The following UGP2 variants were observed in gnomAD, a reference collection of about 807,000 sequenced individuals.
The protein encoded by UGP2 is UTP--glucose-1-phosphate uridylyltransferase.
In UGP2, 40 loss-of-function variants were observed where a neutral mutation model predicts 49.0. The ratio of observed to expected loss-of-function variants is 0.82; its 90% CI spans 0.63 to 1.06. UGP2 has a LOEUF of 1.06. Ranked by LOEUF, UGP2 falls within the 50% of genes least tolerant of loss-of-function variation. The pLI is 0.00. For missense variants in UGP2, 460 were observed against 603.5 expected, an observed-to-expected ratio of 0.76 and a Z score of 2.49; for synonymous variants, 225 against 213.0, an observed-to-expected ratio of 1.06 and a Z score of -0.49.
At chr2:63,843,846 A>G (rs1053008575) in intron 1 of UGP2, among the ~76,000 whole-genome samples, 7 of 152,250 alleles carry the variant, frequency 4.6e-5, no homozygotes, top group African/African-American at 1.7e-4. Flanking sequence ...CTAAGATACC[A>G]GATTGCACTT....
intron 2 of UGP2, 28 bp downstream of exon 2, chr2:63,856,461 C>T: frequency 1.9e-6 from 3 of 1,583,232 alleles, no homozygotes; most frequent in East Asian, 2.3e-5. Flanking sequence ...GTGTTCCACC[C>T]CCCCGCCCCT....
chr2:63,882,727 T>A lies in UGP2; in HGVS notation c.441+76T>A, dbSNP rs1266578671. ...TTAAGTTATCATAAATGTTATAAAA[T>A]GTAGCAGATGTGAATTTGAGCTAAC... On this transcript the variant is annotated intron_variant, in intron 4 of 9. Transcript: ENST00000337130. 3.6e-6 allele frequency: 5 copies of A among 1,381,252 alleles called. No homozygotes were observed. The Admixed American group carries it at 7.3e-5, about 20-fold the overall frequency. The allele number at this position is 1,381,252 out of a possible 1,614,324, so 85.6% of individuals were successfully genotyped here.
chr2:63,867,255 A>G (rs1670246112), intron 3 of UGP2, among the ~76,000 whole-genome samples: 1 of 152,102 alleles, frequency 6.6e-6, no homozygotes, highest in African/African-American at 2.4e-5. Context: ...TGTATTTAAC[A>G]CTTTTTTTTC....
At chr2:63,841,887 A>T (rs1390616370), upstream of UGP2, 1 of 350,710 alleles carries the variant, frequency 2.9e-6, no homozygotes, top group Admixed American at 4.3e-5. Context: ...GTGTGGTTTT[A>T]CCTTTTCCGG....
intron 1 of UGP2, among the ~76,000 whole-genome samples, chr2:63,848,517 C>T (rs1196551420): frequency 6.6e-6 from 1 of 152,200 alleles, no homozygotes; most frequent in Non-Finnish European, 1.5e-5. Context: ...GTGCACGCCA[C>T]CATGCCCAGC....
At chr2:63,862,095 T>C (rs1669891146) in intron 3 of UGP2, among the ~76,000 whole-genome samples, 1 of 152,042 alleles carries the variant, frequency 6.6e-6, no homozygotes, top group Admixed American at 6.6e-5. Context: ...TAGTATGCCA[T>C]ATAGGATGAT....
chr2:63,879,520 A>G (rs1671149510), intron 3 of UGP2, among the ~76,000 whole-genome samples: 1 of 152,210 alleles, frequency 6.6e-6, no homozygotes. Context: ...AGTTCCTGAT[A>G]TTGTAATGAC....
At chr2:63,866,930 T>G (rs1670222480) in intron 3 of UGP2, among the ~76,000 whole-genome samples, 1 of 152,158 alleles carries the variant, frequency 6.6e-6, no homozygotes, top group South Asian at 2.1e-4. Context: ...AAATACAGAT[T>G]TCTCGTGGTT....
At chr2:63,863,203 CAG>C (rs922322122) in intron 3 of UGP2, among the ~76,000 whole-genome samples, 12 of 152,254 alleles carry the variant, frequency 7.9e-5, no homozygotes, top group Admixed American at 1.3e-4. Flanking sequence ...AAAAAATACT[CAG>C]AAGTCTTTGA....
At position 63,856,318 on chromosome 2, in the gene UGP2, C is replaced by T; in HGVS notation, c.32C>T (p.Ala11Val). 1.2e-6 allele frequency: 2 copies of T among 1,612,670 alleles called. No individual in the cohort carries two copies. The highest frequency in any genetic ancestry group is 1.1e-5 in the South Asian group (1 of 90,810). Residue 11 changes from alanine to valine, a missense_variant, in exon 2 of 10, where the codon GCA (alanine) becomes GTA (valine). Physicochemically the swap from Ala to Val is moderately conservative, Grantham distance 64. Transcript: ENST00000337130. Reference protein sequence around the residue: MSRFVQDLSKAMSQDGASQFQ... With the variant: MSRFVQDLSKVMSQDGASQFQ... The stretch of plus-strand genomic sequence containing the variant: ...TTTTTGTTTTAAGATCTTAGCAAAG[C>T]AATGTCTCAAGATGGTGCTTCTCAG...
chr2:63,858,888 G>T (rs77313090), intron 3 of UGP2, among the ~76,000 whole-genome samples: 2 of 40,834 alleles, frequency 4.9e-5, no homozygotes, highest in Non-Finnish European at 9.9e-5. Flanking sequence ...ACACCCCCCC[G>T]CCCCCCCGAA....
chr2:63,861,328 A>G (rs1181274193), intron 3 of UGP2, among the ~76,000 whole-genome samples: 2 of 152,070 alleles, frequency 1.3e-5, no homozygotes, highest in South Asian at 2.1e-4. Context: ...GAAATAGATC[A>G]GAGTTACGAG....
Position 63,886,441 on chromosome 2 carries a change from AAATATTT to A in UGP2, c.979_985del (p.Phe327GlnfsTer26), listed in dbSNP as rs1457562702. The A allele has an allele frequency of 6.2e-7, 1 of 1,614,182 alleles. No homozygotes were observed. Among genetic ancestry groups the A allele is most frequent in the Non-Finnish European group, 8.5e-7 (1 of 1,180,032 alleles). ...GAGTTCAAGTCTGTATCAAAGTTCA[AAATATTT>A]AATACAAACAACCTATGGATTTCTC... On this transcript the variant is annotated frameshift_variant, in exon 7 of 10. Coordinates refer to ENST00000337130, the MANE Select transcript of UGP2 (RefSeq NM_006759.4). LOFTEE classifies it high-confidence loss of function.
intron 3 of UGP2, chr2:63,862,757 C>T: frequency 2.2e-6 from 1 of 453,374 alleles, no homozygotes; most frequent in Non-Finnish European, 4.4e-6. Flanking sequence ...TTGCCAGTCC[C>T]TCCAATTCCA....
chr2:63,842,001 C>T lies in UGP2; in HGVS notation c.-185C>T, dbSNP rs1042724132. ...TTGGAATTGGGGAAGGAGTTTCTTT[C>T]TTTCTTTTCTTTTTTCTTGAGCCAG... On this transcript the variant is annotated 5_prime_UTR_variant, in exon 1 of 10. Transcript: ENST00000337130. 5 of 667,992 alleles carry T rather than the reference C, an allele frequency of 7.5e-6. No homozygotes were observed. Among genetic ancestry groups the T allele is most frequent in the Non-Finnish European group, 8.9e-6 (4 of 451,898 alleles). 41.4% of individuals were successfully genotyped at this position (667,992 alleles called of 1,614,324 possible). A position where few individuals can be genotyped will look rare whatever the true frequency, so the allele number is the denominator to read the frequency against.
At chr2:63,862,027 T>G (rs1168096612) in intron 3 of UGP2, among the ~76,000 whole-genome samples, 2 of 152,074 alleles carry the variant, frequency 1.3e-5, no homozygotes, top group Non-Finnish European at 2.9e-5. Flanking sequence ...CACTGTGCAT[T>G]TAAAGTTTGC....
chr2:63,887,277 A>G, intron 7 of UGP2, 125 bp from the exon 8 acceptor site: 1 of 1,421,326 alleles, frequency 7.0e-7, no homozygotes, highest in Non-Finnish European at 9.5e-7. Flanking sequence ...AAAAAAAAAA[A>G]AATTTTTTTT....
At chr2:63,861,653 A>C (rs1669853610) in intron 3 of UGP2, among the ~76,000 whole-genome samples, 1 of 144,326 alleles carries the variant, frequency 6.9e-6, no homozygotes, top group African/African-American at 2.6e-5. Flanking sequence ...TCACCACTGC[A>C]CTCCAGCCTG....
At chr2:63,842,427 C>G (rs1671628494) in intron 1 of UGP2, 2 of 1,564,518 alleles carry the variant, frequency 1.3e-6, no homozygotes, top group Admixed American at 3.8e-5. Flanking sequence ...GTTTTGCCTC[C>G]CTGAAATCAG....
Sources: gnomAD v4.1 joint callset for allele counts (sites outside exome capture counted in the v4.1 genomes callset) on GRCh38, gnomAD v4.1.1 for gene constraint, MANE v1.5 for transcripts, NCBI Gene and HGNC (gene_info 2026-07-23, HGNC 2026-07-21) for gene names.